ADCY1: variants seen among roughly 807,000 people sequenced by gnomAD.
The protein encoded by ADCY1 is adenylate cyclase 1.
A neutral mutation model predicts 105.4 loss-of-function variants in ADCY1; 28 were observed. That is an observed-to-expected ratio of 0.27 (90% CI 0.20 to 0.36). ADCY1 has a LOEUF of 0.36. Ranked by LOEUF, ADCY1 falls within the 10% of genes least tolerant of loss-of-function variation. The pLI, the probability that ADCY1 is intolerant of heterozygous loss-of-function variation, is 1.00. For synonymous variants in ADCY1, 655 were observed against 623.8 expected (o/e 1.05, Z -0.75); for missense variants, 977 against 1,434.2 (o/e 0.68, Z 5.15).
rs762757642 is a variant in ADCY1, at chr7:45,713,970, C to T, written c.3335C>T (p.Ser1112Phe). Residue 1112 changes from serine to phenylalanine, a missense_variant, in exon 20 of 20, where the codon TCT becomes TTT. This residue lies in a region of ADCY1 where 78 missense variants were observed against 60.0 expected (regional missense o/e 1.30). Transcript: ENST00000297323. ...CACTCCCCAGGCCAGTACCTGCCCT[C>T]TGCAGCAGCTGGGAAGGAGGCTTAG... ...PPHSPGQYLP[S>F]AAAGKEA 2 of 777,394 alleles carry T rather than the reference C, an allele frequency of 2.6e-6. No homozygotes were observed. Among genetic ancestry groups the T allele is most frequent in the South Asian group, 2.7e-5 (2 of 74,578 alleles). The allele number at this position is 777,394 out of a possible 1,614,324, so 48.2% of individuals were successfully genotyped here.
At chr7:45,679,869 C>T (rs1393848030) in intron 11 of ADCY1, 76 bp downstream of exon 11, 3 of 1,507,026 alleles carry the variant, frequency 2.0e-6, no homozygotes, top group Non-Finnish European at 2.8e-6. Context: ...CCTGCACCTG[C>T]ATATCACCTG....
intron 11 of ADCY1, among the ~76,000 whole-genome samples, chr7:45,680,828 A>G (rs1784541906): frequency 2.0e-5 from 3 of 152,232 alleles, no homozygotes; most frequent in Admixed American, 6.5e-5. Context: ...CAGTGTGCCC[A>G]CCCAATGGTG....
intron 1 of ADCY1, among the ~76,000 whole-genome samples, chr7:45,581,567 G>A (rs1584244683): frequency 6.6e-6 from 1 of 152,118 alleles, no homozygotes; most frequent in South Asian, 2.1e-4. Context: ...TTTCAGCCAG[G>A]TTTTTGAGCC....
chr7:45,672,019 T>G (rs1468200041), intron 8 of ADCY1, among the ~76,000 whole-genome samples: 1 of 152,194 alleles, frequency 6.6e-6, no homozygotes, highest in Admixed American at 6.5e-5. Context: ...ACCTTTTACA[T>G]AGCCCAAGTC....
chr7:45,681,377 GC>G (rs1372741378), intron 11 of ADCY1, among the ~76,000 whole-genome samples: 1 of 152,176 alleles, frequency 6.6e-6, no homozygotes, highest in Non-Finnish European at 1.5e-5. Flanking sequence ...TGCCCTGGAT[GC>G]CACTAGCTCC....
In ADCY1 at chr7:45,575,270, C is replaced by G. The variant is rs1792300417; in HGVS notation, c.639+88C>G. On this transcript the variant is annotated intron_variant, in intron 1 of 19. Transcript: ENST00000297323. This position sits in a 1 kb window ranked among gnomAD's most constrained non-coding sequence, Gnocchi z 4.7. ...TGCCCGGAGTCGGGCGCGCTTTTTC[C>G]TATGCGGCGGGTGGGGACACTGAGG... 2 of 1,471,700 alleles carry G rather than the reference C, an allele frequency of 1.4e-6. No homozygotes were observed. The highest frequency in any genetic ancestry group is 1.4e-5 in the African/African-American group (1 of 70,846). 91.2% of individuals were successfully genotyped at this position (1,471,700 alleles called of 1,614,324 possible).
intron 3 of ADCY1, 83 bp downstream of exon 3, chr7:45,610,580 C>A: frequency 1.3e-5 from 15 of 1,192,476 alleles, no homozygotes; most frequent in Non-Finnish European, 1.7e-5. Flanking sequence ...GAGGTGATGA[C>A]AGAAGTGGGG....
At chr7:45,702,207 C>T (rs564035380) in intron 14 of ADCY1, among the ~76,000 whole-genome samples, 4 of 152,348 alleles carry the variant, frequency 2.6e-5, no homozygotes, top group Admixed American at 2.0e-4. Context: ...ATCAGTACTG[C>T]CAGAAAGCAG....
intron 6 of ADCY1, among the ~76,000 whole-genome samples, chr7:45,659,579 CAT>C (rs1346930918): frequency 4.6e-5 from 7 of 152,192 alleles, no homozygotes; most frequent in African/African-American, 7.2e-5. Context: ...CACCCCACCT[CAT>C]GTGTGAACAC....
At position 45,720,484 on chromosome 7, in the gene ADCY1, C is replaced by T. The variant is rs1785451479; in HGVS notation, c.*6489C>T. 1 of 150,756 alleles carries T rather than the reference C, an allele frequency of 6.6e-6. No individual in the cohort carries two copies. The highest frequency in any genetic ancestry group is 1.5e-5 in the Non-Finnish European group (1 of 67,852). The allele number at this position is 150,756 out of a possible 1,614,324, so 9.3% of individuals were successfully genotyped here. ...TGAGCTGAGATTGCACCATTGCACT[C>T]CAGCCTGGGCGACAGAGCAAGACTC... is the stretch of plus-strand genomic sequence containing the variant. On this transcript the variant is annotated 3_prime_UTR_variant, in exon 20 of 20. Transcript: ENST00000297323.
At position 45,716,210 on chromosome 7, in the gene ADCY1, T is replaced by TA. The variant is rs1043582427; in HGVS notation, c.*2217dup. 2.1e-4 allele frequency: 32 copies of TA among 152,364 alleles called. No individual in the cohort carries two copies. Among genetic ancestry groups the TA allele is most frequent in the African/African-American group, 7.5e-4 (31 of 41,416 alleles). 9.4% of individuals were successfully genotyped at this position (152,364 alleles called of 1,614,324 possible). On this transcript the variant is annotated 3_prime_UTR_variant, in exon 20 of 20. Transcript: ENST00000297323. ...CTGCTACTGGGACATCCACAGGACC[T>TA]AATGTTTATGTGGAATCTCCAGGCT...
intron 19 of ADCY1, among the ~76,000 whole-genome samples, chr7:45,711,208 C>A (rs1007981910): frequency 2.6e-5 from 4 of 152,130 alleles, no homozygotes; most frequent in African/African-American, 7.2e-5. Flanking sequence ...AAACTTGACT[C>A]GGTCTTGATG....
At chr7:45,655,799 G>T (rs538087557) in intron 5 of ADCY1, among the ~76,000 whole-genome samples, 2 of 152,022 alleles carry the variant, frequency 1.3e-5, no homozygotes, top group African/African-American at 4.8e-5. Context: ...AGAAGTCTCC[G>T]TGCCATTTAC....
At position 45,717,303 on chromosome 7, in the gene ADCY1, T is replaced by G. The variant is rs1342785246; in HGVS notation, c.*3308T>G. 3 of 152,190 alleles carry G rather than the reference T, an allele frequency of 2.0e-5. No homozygotes were observed. The highest frequency in any genetic ancestry group is 7.3e-5 in the African/African-American group (3 of 41,362). 9.4% of individuals were successfully genotyped at this position (152,190 alleles called of 1,614,324 possible). A position where few individuals can be genotyped will look rare whatever the true frequency, so the allele number is the denominator to read the frequency against. On this transcript the variant is annotated 3_prime_UTR_variant, in exon 20 of 20. Transcript: ENST00000297323. The stretch of plus-strand genomic sequence containing the variant: ...GGTCTCCACTTCAGGGGCAAACATC[T>G]CCATCATCAGCAACTCCAAACCCCA...
chr7:45,625,906 A>C (rs902523697), intron 4 of ADCY1, among the ~76,000 whole-genome samples: 15 of 152,190 alleles, frequency 9.9e-5, no homozygotes, highest in African/African-American at 3.6e-4. Context: ...ACACCTGCTG[A>C]AGCACAAAGC....
chr7:45,655,454 G>C (rs1441618107), intron 5 of ADCY1, among the ~76,000 whole-genome samples: 1 of 152,228 alleles, frequency 6.6e-6, no homozygotes, highest in East Asian at 1.9e-4. Context: ...TGGAAATTCT[G>C]TTCCTTGGAA....
chr7:45,652,541 C>T (rs548543104), intron 5 of ADCY1, among the ~76,000 whole-genome samples: 17 of 152,300 alleles, frequency 1.1e-4, no homozygotes, highest in Non-Finnish European at 2.5e-4. Flanking sequence ...CTTGTTTTAT[C>T]GCTTTGAAGA....
rs190779034 is a variant in ADCY1 at position 45,715,909 on chromosome 7, C to T, written c.*1914C>T. 3.3e-4 allele frequency: 50 copies of T among 152,590 alleles called. No individual in the cohort carries two copies. Among genetic ancestry groups the T allele is most frequent in the Non-Finnish European group, 6.2e-4 (42 of 68,242 alleles). 9.5% of individuals were successfully genotyped at this position (152,590 alleles called of 1,614,324 possible). A position where few individuals can be genotyped will look rare whatever the true frequency, so the allele number is the denominator to read the frequency against. The stretch of plus-strand genomic sequence containing the variant: ...AAGAGGCAGGATGGTCTCCAGACAC[C>T]TTCTTGCAGAGTGATTTTGACCAAT... On this transcript the variant is annotated 3_prime_UTR_variant, in exon 20 of 20. Coordinates refer to ENST00000297323, the MANE Select transcript of ADCY1 (RefSeq NM_021116.4).
At chr7:45,589,531 C>T (rs1308137979) in intron 1 of ADCY1, among the ~76,000 whole-genome samples, 3 of 152,178 alleles carry the variant, frequency 2.0e-5, no homozygotes, top group East Asian at 1.9e-4. Flanking sequence ...TCTAAATGCC[C>T]CTCTAGCCGT....
Sources: allele counts gnomAD v4.1 joint callset (sites outside exome capture counted in the v4.1 genomes callset), GRCh38; gene constraint gnomAD v4.1.1; regional missense constraint gnomAD v4.1.1; non-coding constraint Gnocchi (gnomAD v3.1); transcripts MANE v1.5; gene names NCBI Gene and HGNC (gene_info 2026-07-23, HGNC 2026-07-21).